CSNK1G2: variants seen among roughly 807,000 people sequenced by gnomAD.
The protein encoded by CSNK1G2 is casein kinase I isoform gamma-2.
In CSNK1G2, 11 loss-of-function variants were observed where a neutral mutation model predicts 48.0. That is an observed-to-expected ratio of 0.23 (90% CI 0.14 to 0.38). CSNK1G2 has a LOEUF of 0.38. Ranked by LOEUF, CSNK1G2 falls within the 10% of genes least tolerant of loss-of-function variation. CSNK1G2 has a pLI of 1.00. For missense variants in CSNK1G2, 446 were observed against 595.5 expected (o/e 0.75, Z 2.61); for synonymous variants, 337 against 254.1 (o/e 1.33, Z -3.10).
At position 1,968,938 on chromosome 19, in the gene CSNK1G2, G is replaced by A. The variant is rs543646525; in HGVS notation, c.-265-570G>A. 1.1e-3 allele frequency: 172 copies of A among 152,670 alleles called. No individual in the cohort carries two copies. In the Middle Eastern group the frequency reaches 0.013, roughly 12 times the overall value. The allele number at this position is 152,670 out of a possible 1,614,324, so 9.5% of individuals were successfully genotyped here. The stretch of plus-strand genomic sequence containing the variant: ...CCTGGGGGCTCCTGCATCAGTGCCC[G>A]GCTCTCCGGGGCCTCCTGCCCTCCG... On this transcript the variant is annotated intron_variant, in intron 1 of 11. Transcript: ENST00000255641.
chr19:1,966,586 C>A (rs1305730917), intron 1 of CSNK1G2, among the ~76,000 whole-genome samples: 1 of 152,138 alleles, frequency 6.6e-6, no homozygotes, highest in Non-Finnish European at 1.5e-5. Context: ...AAGCCGCGGC[C>A]GGGTTGAGAG....
At chr19:1,975,978 T>C in intron 2 of CSNK1G2, 1 of 1,004,268 alleles carries the variant, frequency 1.0e-6, no homozygotes, top group Non-Finnish European at 1.4e-6. Flanking sequence ...GAGGTTCCAG[T>C]GAGCCGTGAT....
chr19:1,974,502 G>T (rs918588869), intron 2 of CSNK1G2, among the ~76,000 whole-genome samples: 1 of 152,200 alleles, frequency 6.6e-6, no homozygotes, highest in African/African-American at 2.4e-5. Flanking sequence ...GTGCATCAAA[G>T]ACACAGCACT....
chr19:1,951,051 G>A (rs899653912), intron 1 of CSNK1G2, among the ~76,000 whole-genome samples: 1 of 145,494 alleles, frequency 6.9e-6, no homozygotes, highest in Admixed American at 6.9e-5. Context: ...GAGGGGAGGT[G>A]AGAGGAGACG....
At chr19:1,979,424 C>CCCCCGGGGGGGGGG in intron 8 of CSNK1G2, 21 bp downstream of exon 8, 1 of 1,538,538 alleles carries the variant, frequency 6.5e-7, no homozygotes, top group Non-Finnish European at 8.8e-7. Context: ...CCTGCGCCCC[C>CCCCCGGGGGGGGGG]GCCCTGTGCC....
chr19:1,960,765 T>C (rs2015171278), intron 1 of CSNK1G2, among the ~76,000 whole-genome samples: 1 of 152,120 alleles, frequency 6.6e-6, no homozygotes, highest in Non-Finnish European at 1.5e-5. Flanking sequence ...GGCACATGCC[T>C]CTAATCACAG....
Position 1,975,272 on chromosome 19 carries a change from C to T in CSNK1G2, c.188-3033C>T, listed in dbSNP as rs774934755. The T allele has an allele frequency of 1.0e-5, 10 of 985,350 alleles. No individual in the cohort carries two copies. In the African/African-American group the frequency reaches 1.2e-4, roughly 12 times the overall value. The allele number at this position is 985,350 out of a possible 1,614,324, so 61.0% of individuals were successfully genotyped here. On this transcript the variant is annotated intron_variant, in intron 2 of 11. Coordinates refer to ENST00000255641, the MANE Select transcript of CSNK1G2 (RefSeq NM_001319.7). ...AGGGAGCCACAGCTGGATGATACATCGACAGACAGCAGAGGGACGGTGTAG... is the reference window on the plus strand; with the variant it reads ...AGGGAGCCACAGCTGGATGATACATTGACAGACAGCAGAGGGACGGTGTAG...
intron 1 of CSNK1G2, among the ~76,000 whole-genome samples, chr19:1,942,218 C>T (rs1456337264): frequency 6.6e-6 from 1 of 152,206 alleles, no homozygotes; most frequent in African/African-American, 2.4e-5. Context: ...GATGTCTGAG[C>T]AGGGCCTGCG....
intron 2 of CSNK1G2, chr19:1,975,625 C>T: frequency 1.0e-6 from 1 of 985,358 alleles, no homozygotes; most frequent in Non-Finnish European, 1.2e-6. Context: ...TGAATCCCAC[C>T]TCCGAAGGGC....
Position 1,975,686 on chromosome 19 carries a change from G to A in CSNK1G2, c.188-2619G>A, listed in dbSNP as rs909394870. The A allele has an allele frequency of 5.1e-6, 5 of 982,450 alleles. No homozygotes were observed. The African/African-American group carries it at 8.7e-5, about 17-fold the overall frequency. 60.9% of individuals were successfully genotyped at this position (982,450 alleles called of 1,614,324 possible). On this transcript the variant is annotated intron_variant, in intron 2 of 11. Coordinates refer to ENST00000255641, the MANE Select transcript of CSNK1G2 (RefSeq NM_001319.7). Reference sequence around the variant, plus strand: ...GGACTGAACCTGCAGCTGATTCAGGGGGCAGTGTCCTGAGCTCTAAAACTT... The same window carrying A: ...GGACTGAACCTGCAGCTGATTCAGGAGGCAGTGTCCTGAGCTCTAAAACTT...
chr19:1,952,524 A>G (rs1267596747), intron 1 of CSNK1G2: 5 of 153,022 alleles, frequency 3.3e-5, no homozygotes, highest in East Asian at 1.9e-4. Context: ...GGGTTACACC[A>G]TGTTGTCCAG....
chr19:1,970,366 C>T (rs928074767), intron 2 of CSNK1G2, among the ~76,000 whole-genome samples: 2 of 152,236 alleles, frequency 1.3e-5, no homozygotes, highest in African/African-American at 4.8e-5. Context: ...CCGGAGCTGG[C>T]GTCAGGTGGC....
chr19:1,955,524 CCG>C (rs2014958363), intron 1 of CSNK1G2, among the ~76,000 whole-genome samples: 2 of 151,676 alleles, frequency 1.3e-5, no homozygotes, highest in Non-Finnish European at 3.0e-5. Flanking sequence ...GGGTGAGGCT[CCG>C]CGGGGTGGGC....
chr19:1,978,299 C>T lies in CSNK1G2; in HGVS notation c.188-6C>T, dbSNP rs1362433362. 1.9e-6 allele frequency: 3 copies of T among 1,613,470 alleles called. No individual in the cohort carries two copies. Among genetic ancestry groups the T allele is most frequent in the South Asian group, 2.2e-5 (2 of 91,072 alleles). ...CTGGCGGTGCTGATGGTCTCTGTCC[C>T]CGCAGGAAAGAATCTCTATACAAAT... is the stretch of plus-strand genomic sequence containing the variant. On this transcript the variant is annotated splice_polypyrimidine_tract_variant and splice_region_variant and intron_variant, in intron 2 of 11. Coordinates refer to ENST00000255641, the MANE Select transcript of CSNK1G2 (RefSeq NM_001319.7). This position sits in a 1 kb window ranked among gnomAD's most constrained non-coding sequence, Gnocchi z 7.3.
chr19:1,949,548 T>C (rs970051039), intron 1 of CSNK1G2, among the ~76,000 whole-genome samples: 2 of 152,210 alleles, frequency 1.3e-5, no homozygotes, highest in African/African-American at 4.8e-5. Context: ...TGATAGATGT[T>C]TGCATGGCAT....
chr19:1,953,571 G>A, intron 1 of CSNK1G2: 1 of 488,278 alleles, frequency 2.0e-6, no homozygotes, highest in South Asian at 1.5e-5. Context: ...CGCCAAGGCT[G>A]CCGGTGGTGT....
Position 1,969,576 on chromosome 19 carries a change from C to T in CSNK1G2, c.-197C>T, listed in dbSNP as rs1400531260. On this transcript the variant is annotated 5_prime_UTR_variant, in exon 2 of 12. An upstream open reading frame in the 5' UTR gains an earlier in-frame stop. Transcript: ENST00000255641. ...TGTCTCCTGCCCCCGAGAGCGACCC[C>T]GAGGCCACTGAGAAGAGCAGCGCGG... 2.4e-5 allele frequency: 10 copies of T among 413,206 alleles called. No homozygotes were observed. The highest frequency in any genetic ancestry group is 4.5e-5 in the Admixed American group (1 of 22,280). 25.6% of individuals were successfully genotyped at this position (413,206 alleles called of 1,614,324 possible). A position where few individuals can be genotyped will look rare whatever the true frequency, so the allele number is the denominator to read the frequency against.
chr19:1,946,458 GT>G (rs1237694184), intron 1 of CSNK1G2, among the ~76,000 whole-genome samples: 1 of 147,136 alleles, frequency 6.8e-6, no homozygotes, highest in African/African-American at 2.5e-5. Flanking sequence ...CGCCTGGCTA[GT>G]TTTTTGTACT....
Position 1,978,371 on chromosome 19 carries a change from C to T in CSNK1G2, c.228+26C>T, listed in dbSNP as rs370626933. ...GTGAGTCGGCCCCTCCACCCCACCC[C>T]CGCTGACGTGCCCCCCAGGGATTTC... On this transcript the variant is annotated intron_variant, in intron 3 of 11. Transcript: ENST00000255641. The surrounding 1 kb of genome is among the most constrained non-coding windows in gnomAD (Gnocchi z 7.3). 2 of 1,612,698 alleles carry T rather than the reference C, an allele frequency of 1.2e-6. No homozygotes were observed. Among genetic ancestry groups the T allele is most frequent in the Non-Finnish European group, 1.7e-6 (2 of 1,179,468 alleles).
Sources: gnomAD v4.1 joint callset for allele counts (sites outside exome capture counted in the v4.1 genomes callset) on GRCh38, gnomAD v4.1.1 for gene constraint, Gnocchi (gnomAD v3.1) non-coding constraint, MANE v1.5 for transcripts, NCBI Gene and HGNC (gene_info 2026-07-23, HGNC 2026-07-21) for gene names.